Variants in OPCML observed in about 807,000 individuals in gnomAD.
OPCML encodes opioid binding protein/cell adhesion molecule like, also known as opioid-binding protein/cell adhesion molecule.
OPCML carries 13 observed loss-of-function variants against 37.8 expected under a neutral mutation model. The observed-to-expected ratio is 0.34, with a 90% CI of 0.22 to 0.55. The LOEUF is 0.55. Among genes scored for constraint, OPCML ranks in the 20% least tolerant of loss-of-function variants. The pLI, the probability that OPCML is intolerant of heterozygous loss-of-function variation, is 0.91. For missense variants in OPCML, 341 were observed against 435.6 expected (o/e 0.78, Z 1.93); for synonymous variants, 176 against 168.8 (o/e 1.04, Z -0.33).
chr11:132,536,289 G>A (rs997568924), intron 3 of OPCML, among the ~76,000 whole-genome samples: 6 of 152,202 alleles, frequency 3.9e-5, no homozygotes, highest in African/African-American at 1.2e-4. Context: ...TTTTATTTAA[G>A]ACTGTATGTC....
intron 1 of OPCML, among the ~76,000 whole-genome samples, chr11:133,134,568 G>T (rs1381354518): frequency 6.6e-6 from 1 of 152,322 alleles, no homozygotes; most frequent in Non-Finnish European, 1.5e-5. Context: ...ACCCCTTGGG[G>T]GATGACTCTT....
At chr11:132,791,262 C>CTTGT (rs1465493331) in intron 2 of OPCML, among the ~76,000 whole-genome samples, 3 of 152,202 alleles carry the variant, frequency 2.0e-5, no homozygotes, top group Non-Finnish European at 4.4e-5. Context: ...GAGTCTGATA[C>CTTGT]TTGTTTTCCC....
chr11:132,756,853 C>T (rs561889083), intron 2 of OPCML, among the ~76,000 whole-genome samples: 2 of 152,218 alleles, frequency 1.3e-5, no homozygotes, highest in Non-Finnish European at 2.9e-5. Context: ...CATAGGCAAA[C>T]ATGTGCCATG....
chr11:133,451,374 A>C (rs767618031), intron 1 of OPCML, among the ~76,000 whole-genome samples: 1 of 151,798 alleles, frequency 6.6e-6, no homozygotes, highest in Non-Finnish European at 1.5e-5. Context: ...CTTTTGCCTG[A>C]AGGCAGCCCC....
At chr11:133,000,621 T>G (rs1399132941) in intron 1 of OPCML, among the ~76,000 whole-genome samples, 1 of 152,184 alleles carries the variant, frequency 6.6e-6, no homozygotes, top group African/African-American at 2.4e-5. Flanking sequence ...TGTGCAGAGA[T>G]CTGAAATGGA....
intron 4 of OPCML, among the ~76,000 whole-genome samples, chr11:132,448,994 TC>T (rs916925109): frequency 1.3e-5 from 2 of 152,180 alleles, no homozygotes; most frequent in African/African-American, 4.8e-5. Context: ...TTCCTTAAGT[TC>T]TGGAAATCTG....
chr11:132,632,134 TAAA>T (rs138183892), intron 3 of OPCML, among the ~76,000 whole-genome samples: 2 of 140,168 alleles, frequency 1.4e-5, no homozygotes, highest in African/African-American at 5.2e-5. Flanking sequence ...AGATCCAGCT[TAAA>T]AAAAAAAAAA....
Position 132,436,673 on chromosome 11 carries a change from G to C in OPCML, c.750C>G (p.Phe250Leu), listed in dbSNP as rs2096014111. ...SAVPMAEFQW[F>L]KEETRLATGL... ...TTAAAAGGTACCTGGTTTCTTCCTTGAACCACTGGAATTCAGCCATGGGGA... is the reference window on the plus strand; with the variant it reads ...TTAAAAGGTACCTGGTTTCTTCCTTCAACCACTGGAATTCAGCCATGGGGA... Residue 250 changes from phenylalanine to leucine, a missense_variant, in exon 6 of 8, where the codon TTC becomes TTG. Phe to Leu is a conservative substitution (Grantham distance 22). Transcript: ENST00000524381. The C allele has an allele frequency of 6.2e-7, 1 of 1,613,978 alleles. No individual in the cohort carries two copies. The highest frequency in any genetic ancestry group is 8.5e-7 in the Non-Finnish European group (1 of 1,180,026).
chr11:133,004,752 T>G (rs185426292), intron 1 of OPCML: 2 of 985,298 alleles, frequency 2.0e-6, no homozygotes, highest in Admixed American at 6.1e-5. Flanking sequence ...GACGCGTGGA[T>G]GGACGCTGGC....
chr11:132,578,039 T>C (rs1317842963), intron 3 of OPCML, among the ~76,000 whole-genome samples: 3 of 152,174 alleles, frequency 2.0e-5, no homozygotes, highest in East Asian at 1.9e-4. Context: ...AAAAAGAATA[T>C]GCAACTCAAT....
In OPCML at chr11:132,842,405, C is replaced by T. The variant is rs367860874; in HGVS notation, c.146+100521G>A. ...ACTCAGCAGCTCTGGCCACAGCCTC[C>T]CCTCTTCCCAGCAATATTCGCAGTA... On this transcript the variant is annotated intron_variant, in intron 2 of 7. Coordinates refer to ENST00000524381, the MANE Select transcript of OPCML (RefSeq NM_001012393.5). 2.5e-4 allele frequency among the ~76,000 whole-genome samples: 38 copies of T among 152,330 alleles called. 1 individual carries two copies. The highest frequency in any genetic ancestry group is 8.4e-4 in the African/African-American group (35 of 41,570).
At chr11:132,560,457 C>A (rs1409701673) in intron 3 of OPCML, among the ~76,000 whole-genome samples, 1 of 152,098 alleles carries the variant, frequency 6.6e-6, no homozygotes, top group Non-Finnish European at 1.5e-5. Context: ...CATCCATCAC[C>A]CAAGCAGTGT....
At chr11:132,494,189 CAAG>C (rs1171286081) in intron 4 of OPCML, among the ~76,000 whole-genome samples, 4 of 152,196 alleles carry the variant, frequency 2.6e-5, no homozygotes, top group African/African-American at 9.7e-5. Context: ...TTTGTAAATG[CAAG>C]AAGGACAATG....
intron 2 of OPCML, among the ~76,000 whole-genome samples, chr11:132,804,223 C>A (rs913243656): frequency 1.3e-5 from 2 of 152,120 alleles, no homozygotes; most frequent in Non-Finnish European, 2.9e-5. Context: ...CCCCACAATT[C>A]GCCGGGTTTC....
intron 1 of OPCML, among the ~76,000 whole-genome samples, chr11:133,484,681 T>C (rs1448003649): frequency 6.6e-6 from 1 of 152,202 alleles, no homozygotes; most frequent in East Asian, 1.9e-4. Context: ...CTAATGTGTA[T>C]ATTGTAAAAT....
intron 1 of OPCML, among the ~76,000 whole-genome samples, chr11:133,057,368 C>A (rs1196437260): frequency 6.6e-6 from 1 of 152,182 alleles, no homozygotes; most frequent in African/African-American, 2.4e-5. Flanking sequence ...GTGCCCACTC[C>A]CTTAATCAGG....
intron 2 of OPCML, among the ~76,000 whole-genome samples, chr11:132,782,923 A>ATATATATATATATATATATG (rs1947083494): frequency 1.0e-4 from 15 of 143,390 alleles, no homozygotes; most frequent in South Asian, 2.1e-4. Context: ...GTGTGTATAT[A>ATATATATATATATATATATG]TATATATATA....
chr11:132,498,772 G>T (rs1161675239), intron 4 of OPCML, among the ~76,000 whole-genome samples: 2 of 118,678 alleles, frequency 1.7e-5, no homozygotes, highest in East Asian at 7.0e-4. Flanking sequence ...AGGACCCGAA[G>T]AACCCAAGTC....
chr11:132,640,923 A>C (rs1940817568), intron 3 of OPCML, among the ~76,000 whole-genome samples: 1 of 152,104 alleles, frequency 6.6e-6, no homozygotes, highest in Non-Finnish European at 1.5e-5. Context: ...ACCTCCTGGG[A>C]AGGCCCTGAG....
Sources: gnomAD v4.1 joint callset for allele counts (sites outside exome capture counted in the v4.1 genomes callset) on GRCh38, gnomAD v4.1.1 for gene constraint, MANE v1.5 for transcripts, NCBI Gene and HGNC (gene_info 2026-07-23, HGNC 2026-07-21) for gene names.